The following SMYD3 variants were observed in gnomAD, a reference collection of about 807,000 sequenced individuals.
SMYD3 encodes the protein SET and MYND domain containing 3, also known as histone-lysine N-methyltransferase SMYD3.
SMYD3 carries 36 observed loss-of-function variants against 57.7 expected under a neutral mutation model. The observed-to-expected ratio is 0.62, with a 90% CI of 0.48 to 0.82. SMYD3 has a LOEUF of 0.82. Among genes scored for constraint, SMYD3 ranks in the 40% least tolerant of loss-of-function variants. SMYD3 has a pLI of 0.00. For synonymous variants in SMYD3, 211 were observed against 195.0 expected, an observed-to-expected ratio of 1.08 and a Z score of -0.68; for missense variants, 515 against 538.8, an observed-to-expected ratio of 0.96 and a Z score of 0.44.
chr1:246,070,763 A>G (rs2060428981), intron 5 of SMYD3, among the ~76,000 whole-genome samples: 1 of 152,236 alleles, frequency 6.6e-6, no homozygotes, highest in South Asian at 2.1e-4. Flanking sequence ...TTTTAATGGC[A>G]TGCACCTTTT....
intron 10 of SMYD3, among the ~76,000 whole-genome samples, chr1:245,817,423 T>C (rs1270540611): frequency 6.7e-6 from 1 of 149,100 alleles, no homozygotes; most frequent in Non-Finnish European, 1.5e-5. Flanking sequence ...AGACCAAAAG[T>C]AGATAAAACC....
At chr1:245,883,282 C>T (rs953269545) in intron 8 of SMYD3, among the ~76,000 whole-genome samples, 1 of 152,002 alleles carries the variant, frequency 6.6e-6, no homozygotes, top group Non-Finnish European at 1.5e-5. Context: ...TTGGAAAAAT[C>T]GAGATAATAT....
chr1:246,233,032 C>T (rs1479803116), intron 5 of SMYD3, among the ~76,000 whole-genome samples: 3 of 134,480 alleles, frequency 2.2e-5, no homozygotes, highest in African/African-American at 8.0e-5. Context: ...TGAACATATA[C>T]CACACAGGGG....
chr1:245,850,541 C>A (rs753564836), intron 10 of SMYD3, among the ~76,000 whole-genome samples: 37 of 151,926 alleles, frequency 2.4e-4, no homozygotes, highest in Non-Finnish European at 2.1e-4. Context: ...AAAAAAATTT[C>A]TTTAATTAGC....
At chr1:246,438,398 TA>T (rs2067412282) in intron 1 of SMYD3, among the ~76,000 whole-genome samples, 1 of 152,048 alleles carries the variant, frequency 6.6e-6, no homozygotes, top group Non-Finnish European at 1.5e-5. Flanking sequence ...AGCACAGGCT[TA>T]GGGGTGAATG....
intron 1 of SMYD3, among the ~76,000 whole-genome samples, chr1:246,475,334 A>G (rs1245714316): frequency 3.8e-5 from 5 of 130,232 alleles, no homozygotes; most frequent in African/African-American, 2.2e-4. Flanking sequence ...TCTCAGAAAA[A>G]AAAAAAAAAA....
chr1:246,395,670 A>ATGG (rs2066651864), intron 1 of SMYD3, among the ~76,000 whole-genome samples: 10 of 86,550 alleles, frequency 1.2e-4, no homozygotes, highest in Admixed American at 6.8e-4. Flanking sequence ...CGAACCCACC[A>ATGG]CAGTCAGACA....
intron 1 of SMYD3, among the ~76,000 whole-genome samples, chr1:246,375,725 G>C (rs1572435711): frequency 6.6e-6 from 1 of 151,574 alleles, no homozygotes; most frequent in Non-Finnish European, 1.5e-5. Flanking sequence ...TTTTTTTATT[G>C]TTGTTGTTTT....
At chr1:246,006,932 G>A (rs1012823145) in intron 5 of SMYD3, among the ~76,000 whole-genome samples, 3 of 152,202 alleles carry the variant, frequency 2.0e-5, no homozygotes, top group East Asian at 1.9e-4. Context: ...GCCAGAGCTC[G>A]AGAAAAGGCA....
At chr1:245,906,086 A>C (rs2054543210) in intron 8 of SMYD3, among the ~76,000 whole-genome samples, 1 of 152,244 alleles carries the variant, frequency 6.6e-6, no homozygotes, top group African/African-American at 2.4e-5. Flanking sequence ...GGGCTGGGCA[A>C]AGATATTTTG....
chr1:246,281,590 A>T (rs1016934990), intron 5 of SMYD3, among the ~76,000 whole-genome samples: 1 of 152,232 alleles, frequency 6.6e-6, no homozygotes, highest in Non-Finnish European at 1.5e-5. Context: ...TCATCTCTGT[A>T]TCCTCAGAAC....
intron 10 of SMYD3, among the ~76,000 whole-genome samples, chr1:245,807,448 C>A (rs2048238749): frequency 6.6e-6 from 1 of 152,174 alleles, no homozygotes; most frequent in Non-Finnish European, 1.5e-5. Flanking sequence ...AACTTCCGGT[C>A]CAATGTTGAC....
intron 5 of SMYD3, among the ~76,000 whole-genome samples, chr1:246,312,951 A>G (rs1017069923): frequency 3.9e-5 from 6 of 151,960 alleles, no homozygotes; most frequent in African/African-American, 1.5e-4. Context: ...GTCTCGCTCT[A>G]TTACCCAGGC....
intron 11 of SMYD3, among the ~76,000 whole-genome samples, chr1:245,752,271 C>T (rs957880412): frequency 5.3e-5 from 8 of 152,192 alleles, no homozygotes; most frequent in African/African-American, 1.9e-4. Context: ...CGTAACCCTC[C>T]GTCCTGAAAA....
intron 8 of SMYD3, among the ~76,000 whole-genome samples, chr1:245,865,027 C>T (rs149844726): frequency 1.3e-4 from 20 of 152,314 alleles, no homozygotes; most frequent in African/African-American, 4.1e-4. Context: ...GGCCAGTGTA[C>T]GTCTGGCATC....
chr1:246,503,693 C>A lies in SMYD3; in HGVS notation c.164+3361G>T, dbSNP rs113305110. 2.1e-4 allele frequency among the ~76,000 whole-genome samples: 32 copies of A among 152,220 alleles called. No homozygotes were observed. In the South Asian group the frequency reaches 2.9e-3, roughly 14 times the overall value. On this transcript the variant is annotated intron_variant, in intron 1 of 11. Transcript: ENST00000490107. ...ATAAGTGATTTCAGGCCGGGGACAG[C>A]GGCTCACGCCTGTAATCCCAGCACT...
chr1:246,076,366 C>G (rs149016211), intron 5 of SMYD3, among the ~76,000 whole-genome samples: 4 of 152,170 alleles, frequency 2.6e-5, no homozygotes, highest in Non-Finnish European at 5.9e-5. Flanking sequence ...TACACATTCA[C>G]CCACATCCAA....
At chr1:246,085,010 A>C (rs1436139374) in intron 5 of SMYD3, among the ~76,000 whole-genome samples, 4 of 152,228 alleles carry the variant, frequency 2.6e-5, no homozygotes, top group Non-Finnish European at 5.9e-5. Context: ...TGATCACTAA[A>C]TGCTGCATGT....
At chr1:245,850,043 G>A (rs9287178) in intron 10 of SMYD3, among the ~76,000 whole-genome samples, 80,829 of 151,660 alleles carry the variant, frequency 0.53, 22,026 homozygotes, top group East Asian at 0.83. Context: ...TAGGAATTAT[G>A]TATAACTTGG....
Sources: gnomAD v4.1 joint callset for allele counts (sites outside exome capture counted in the v4.1 genomes callset) on GRCh38, gnomAD v4.1.1 for gene constraint, MANE v1.5 for transcripts, NCBI Gene and HGNC (gene_info 2026-07-23, HGNC 2026-07-21) for gene names.